The following ATG5 variants were observed in gnomAD, a reference collection of about 807,000 sequenced individuals.
The protein encoded by ATG5 is autophagy protein 5.
Under a neutral mutation model 36.5 loss-of-function variants are expected in ATG5, and 14 were observed. The ratio of observed to expected loss-of-function variants is 0.38; its 90% CI spans 0.25 to 0.60. ATG5 has a LOEUF of 0.60. Ranked by LOEUF, ATG5 falls within the 20% of genes least tolerant of loss-of-function variation. ATG5 has a pLI of 0.60. For synonymous variants in ATG5, 95 were observed against 101.5 expected (o/e 0.94, Z 0.38); for missense variants, 195 against 326.7 (o/e 0.60, Z 3.11).
At chr6:106,214,714 T>C (rs1776975425) in intron 6 of ATG5, among the ~76,000 whole-genome samples, 1 of 152,214 alleles carries the variant, frequency 6.6e-6, no homozygotes, top group South Asian at 2.1e-4. Context: ...CAACACTTTG[T>C]TTCCTCTTCG....
intron 4 of ATG5, among the ~76,000 whole-genome samples, chr6:106,292,330 T>C (rs976131803): frequency 3.3e-5 from 5 of 152,170 alleles, no homozygotes; most frequent in African/African-American, 7.2e-5. Context: ...TGTTTGTGAA[T>C]TGGGGGAGGG....
chr6:106,318,532 C>G (rs1380981803), intron 1 of ATG5, among the ~76,000 whole-genome samples: 1 of 152,166 alleles, frequency 6.6e-6, no homozygotes, highest in African/African-American at 2.4e-5. Context: ...TACCAAAGTT[C>G]TACAGTAGGA....
intron 6 of ATG5, among the ~76,000 whole-genome samples, chr6:106,238,611 G>A (rs974866616): frequency 3.3e-5 from 5 of 152,188 alleles, no homozygotes; most frequent in Admixed American, 2.0e-4. Flanking sequence ...GCAGGCATAC[G>A]AACAGAAAAA....
At chr6:106,203,631 A>G (rs1302462663) in intron 6 of ATG5, among the ~76,000 whole-genome samples, 4 of 152,130 alleles carry the variant, frequency 2.6e-5, no homozygotes, top group Non-Finnish European at 4.4e-5. Flanking sequence ...TTCCTGAGAC[A>G]AGGTTTCACT....
chr6:106,254,540 A>C (rs993095046), intron 5 of ATG5, among the ~76,000 whole-genome samples: 1 of 152,226 alleles, frequency 6.6e-6, no homozygotes, highest in Non-Finnish European at 1.5e-5. Context: ...AATAGCAAAC[A>C]AAGTGTGGCA....
At chr6:106,293,316 T>C (rs1394525244) in intron 3 of ATG5, among the ~76,000 whole-genome samples, 1 of 152,194 alleles carries the variant, frequency 6.6e-6, no homozygotes, top group Non-Finnish European at 1.5e-5. Context: ...TCCATTCCCA[T>C]AGAAACCTCA....
chr6:106,201,777 C>T (rs1776440715), intron 7 of ATG5, 195 bp downstream of exon 7: 1 of 351,162 alleles, frequency 2.8e-6, no homozygotes. Context: ...TTTCGCCAGT[C>T]GAGTCATCAT....
intron 5 of ATG5, among the ~76,000 whole-genome samples, chr6:106,251,224 T>G (rs1254539779): frequency 6.6e-6 from 1 of 152,250 alleles, no homozygotes. Context: ...TCACCTGCAT[T>G]CCAGGTTGCC....
chr6:106,198,061 A>G (rs967636231), intron 7 of ATG5, among the ~76,000 whole-genome samples: 2 of 152,134 alleles, frequency 1.3e-5, no homozygotes, highest in African/African-American at 4.8e-5. Flanking sequence ...CAAAATCCTC[A>G]AAAACAAAAA....
chr6:106,234,741 C>T lies in ATG5; in HGVS notation c.573+13409G>A, dbSNP rs1045322596. On this transcript the variant is annotated intron_variant, in intron 6 of 7. Transcript: ENST00000369076. The stretch of plus-strand genomic sequence containing the variant: ...GAGTACTCATTCTTCCTTTTGTTAT[C>T]GGAGCAGGAGTGCTAGGTGGACTAG... 5.9e-5 allele frequency among the ~76,000 whole-genome samples: 9 copies of T among 152,292 alleles called. No individual in the cohort carries two copies. The East Asian group carries it at 1.4e-3, about 23-fold the overall frequency.
intron 6 of ATG5, among the ~76,000 whole-genome samples, chr6:106,203,058 T>TA (rs1032043294): frequency 2.0e-5 from 3 of 151,972 alleles, no homozygotes; most frequent in Admixed American, 1.3e-4. Flanking sequence ...AAAGCAAAAA[T>TA]AAAAAAATAT....
intron 3 of ATG5, among the ~76,000 whole-genome samples, chr6:106,300,546 C>T (rs1451636469): frequency 2.6e-5 from 4 of 152,076 alleles, no homozygotes; most frequent in Admixed American, 6.5e-5. Context: ...CATTGTTAAG[C>T]AATTTCATTC....
rs190685050 is a variant in ATG5, at chr6:106,212,411, C to G, written c.574-10322G>C. Among the ~76,000 whole-genome samples, 51 of 152,280 alleles carry G rather than the reference C, an allele frequency of 3.3e-4. No individual in the cohort carries two copies. The East Asian group carries it at 9.3e-3, about 28-fold the overall frequency. ...ATTCCAGCACTTTGGGAGGCCAAGG[C>G]GGGCGGATCACCTGAGGTCAGGAGT... On this transcript the variant is annotated intron_variant, in intron 6 of 7. Transcript: ENST00000369076.
intron 6 of ATG5, among the ~76,000 whole-genome samples, chr6:106,221,643 G>A (rs1292928929): frequency 6.9e-6 from 1 of 145,834 alleles, no homozygotes; most frequent in Non-Finnish European, 1.5e-5. Flanking sequence ...CTGAGATCGT[G>A]CCACTGCACT....
chr6:106,233,432 C>G (rs1320454972), intron 6 of ATG5, among the ~76,000 whole-genome samples: 1 of 152,218 alleles, frequency 6.6e-6, no homozygotes, highest in Non-Finnish European at 1.5e-5. Context: ...AAAGAAGGCC[C>G]TAACCCAAGC....
chr6:106,257,755 T>A (rs1427125939), intron 5 of ATG5, among the ~76,000 whole-genome samples: 2 of 152,240 alleles, frequency 1.3e-5, no homozygotes, highest in African/African-American at 2.4e-5. Flanking sequence ...ATCTACCTAA[T>A]CTGTACATGG....
intron 5 of ATG5, among the ~76,000 whole-genome samples, chr6:106,269,193 G>T (rs632686): frequency 0.041 from 6,180 of 152,202 alleles, 360 homozygotes; most frequent in East Asian, 0.24. Context: ...TAGTTACAGA[G>T]TGTCGATTGG....
At chr6:106,236,157 C>A (rs1272795850) in intron 6 of ATG5, among the ~76,000 whole-genome samples, 1 of 152,116 alleles carries the variant, frequency 6.6e-6, no homozygotes, top group African/African-American at 2.4e-5. Context: ...GACATTTATC[C>A]ATATTATTGC....
intron 6 of ATG5, among the ~76,000 whole-genome samples, chr6:106,235,515 C>T (rs924218242): frequency 6.6e-6 from 1 of 152,124 alleles, no homozygotes; most frequent in Non-Finnish European, 1.5e-5. Context: ...ATTTCCTAGG[C>T]CGACTAAGAA....
Sources: gnomAD v4.1 joint callset for allele counts (sites outside exome capture counted in the v4.1 genomes callset) on GRCh38, gnomAD v4.1.1 for gene constraint, MANE v1.5 for transcripts, NCBI Gene and HGNC (gene_info 2026-07-23, HGNC 2026-07-21) for gene names.